The following KIF1B variants were observed in gnomAD, a reference collection of about 807,000 sequenced individuals.
The protein encoded by KIF1B is kinesin-like protein KIF1B.
Under a neutral mutation model 241.9 loss-of-function variants are expected in KIF1B, and 76 were observed. That is an observed-to-expected ratio of 0.31 (90% confidence interval 0.26 to 0.38). The LOEUF (loss-of-function observed/expected upper bound fraction) is 0.38, where lower values mean the gene tolerates loss of function less well. Among genes scored for constraint, KIF1B ranks in the 10% least tolerant of loss-of-function variants. The pLI is 1.00. For synonymous variants in KIF1B, 750 were observed against 796.7 expected (o/e 0.94, Z 0.99); for missense variants, 1,622 against 2,271.4 (o/e 0.71, Z 5.81).
chr1:10,229,665 G>T (rs1205064923), intron 1 of KIF1B, among the ~76,000 whole-genome samples: 1 of 150,902 alleles, frequency 6.6e-6, no homozygotes, highest in Non-Finnish European at 1.5e-5. Context: ...GACCATCCTG[G>T]CTAACATGGT....
At chr1:10,360,699 AAAAG>A (rs1638397258) in intron 38 of KIF1B, among the ~76,000 whole-genome samples, 1 of 152,004 alleles carries the variant, frequency 6.6e-6, no homozygotes, top group African/African-American at 2.4e-5. Flanking sequence ...AAAAAAAAAA[AAAAG>A]CACAACTAAG....
intron 5 of KIF1B, among the ~76,000 whole-genome samples, chr1:10,266,065 A>G (rs540019468): frequency 2.0e-5 from 3 of 152,308 alleles, no homozygotes; most frequent in South Asian, 2.1e-4. Context: ...AATGTGGCCT[A>G]TTGTGATGAA....
intron 7 of KIF1B, among the ~76,000 whole-genome samples, chr1:10,271,139 C>T (rs574427471): frequency 4.0e-5 from 6 of 150,278 alleles, no homozygotes; most frequent in Non-Finnish European, 7.4e-5. Context: ...TTTTTTGAAC[C>T]GTGATAATTG....
chr1:10,266,926 T>C lies in KIF1B; in HGVS notation c.430-454T>C, dbSNP rs1272873506. 2.6e-5 allele frequency among the ~76,000 whole-genome samples: 4 copies of C among 152,264 alleles called. No individual in the cohort carries two copies. In the South Asian group the frequency reaches 6.2e-4, roughly 24 times the overall value. On this transcript the variant is annotated intron_variant, in intron 5 of 48. Transcript: ENST00000676179. ...GTTACGGCATTTCACTTTGTAAAGGTTGCTGATCTCTAATCTTAGAGCTTT... is the reference window on the plus strand; with the variant it reads ...GTTACGGCATTTCACTTTGTAAAGGCTGCTGATCTCTAATCTTAGAGCTTT...
intron 40 of KIF1B, among the ~76,000 whole-genome samples, chr1:10,362,835 C>G (rs1345536858): frequency 6.6e-6 from 1 of 152,072 alleles, no homozygotes; most frequent in Admixed American, 6.6e-5. Context: ...CTTTTTGATG[C>G]CAAGGTGGAA....
intron 22 of KIF1B, among the ~76,000 whole-genome samples, chr1:10,313,828 G>T (rs927452551): frequency 2.6e-5 from 4 of 151,386 alleles, no homozygotes; most frequent in Non-Finnish European, 5.9e-5. Flanking sequence ...GAGATTACAG[G>T]CGTGAGCCAC....
At chr1:10,212,025 A>G (rs1571072307) in intron 1 of KIF1B, among the ~76,000 whole-genome samples, 2 of 152,152 alleles carry the variant, frequency 1.3e-5, no homozygotes, top group Non-Finnish European at 2.9e-5. Context: ...GCAGGCTGTC[A>G]TCTTTGTGGA....
intron 45 of KIF1B, among the ~76,000 whole-genome samples, chr1:10,372,622 G>A (rs2102359987): frequency 7.2e-6 from 1 of 139,496 alleles, no homozygotes; most frequent in South Asian, 2.4e-4. Context: ...AGGTTGCAGT[G>A]AGCCGAGATT....
chr1:10,211,434 G>A (rs1246898760), intron 1 of KIF1B, among the ~76,000 whole-genome samples: 1 of 152,200 alleles, frequency 6.6e-6, no homozygotes, highest in Non-Finnish European at 1.5e-5. Flanking sequence ...ATGCTGGCCA[G>A]GTGTGAGGAA....
Position 10,326,012 on chromosome 1 carries a change from C to T in KIF1B, c.2676-99C>T. On this transcript the variant is annotated intron_variant, in intron 26 of 48. Coordinates refer to ENST00000676179, the MANE Select transcript of KIF1B (RefSeq NM_001365951.3). This position sits in a 1 kb window ranked among gnomAD's most constrained non-coding sequence, Gnocchi z 5.2. ...TCCATTTGCTTTTATTGTGTTGATT[C>T]CCCAGTGGATTCTGTCCTGTTAGCA... 2 of 1,456,864 alleles carry T rather than the reference C, an allele frequency of 1.4e-6. No homozygotes were observed. Among genetic ancestry groups the T allele is most frequent in the East Asian group, 4.5e-5 (2 of 44,098 alleles). 90.2% of individuals were successfully genotyped at this position (1,456,864 alleles called of 1,614,324 possible).
rs1639020796 is a variant in KIF1B at position 10,381,508 on chromosome 1, AATGCAGACACT to A, written c.*4924_*4934del. 4.9e-6 allele frequency: 1 copy of A among 202,944 alleles called. No homozygotes were observed. The highest frequency in any genetic ancestry group is 1.0e-5 in the Non-Finnish European group (1 of 98,550). 12.6% of individuals were successfully genotyped at this position (202,944 alleles called of 1,614,324 possible). A position where few individuals can be genotyped will look rare whatever the true frequency, so the allele number is the denominator to read the frequency against. ...TTTTGCTGTATAGCCTTAGATGTGC[AATGCAGACACT>A]ATCTAACTGTGTGTGGTAACCTTGC... On this transcript the variant is annotated 3_prime_UTR_variant, in exon 49 of 49. Coordinates refer to ENST00000676179, the MANE Select transcript of KIF1B (RefSeq NM_001365951.3).
intron 8 of KIF1B, 56 bp downstream of exon 8, chr1:10,271,635 G>A (rs1648804947): frequency 1.7e-6 from 2 of 1,195,792 alleles, no homozygotes; most frequent in East Asian, 4.7e-5. Context: ...ACCTGTTTTT[G>A]TAAATAAAAT....
At chr1:10,233,431 ATTCATGTCAC>A (rs1281818007) in intron 2 of KIF1B, among the ~76,000 whole-genome samples, 1 of 152,110 alleles carries the variant, frequency 6.6e-6, no homozygotes, top group Non-Finnish European at 1.5e-5. Context: ...AGTGAGCTGT[ATTCATGTCAC>A]TGCACTCCAG....
At chr1:10,373,180 T>G (rs1638793557) in intron 45 of KIF1B, among the ~76,000 whole-genome samples, 1 of 150,616 alleles carries the variant, frequency 6.6e-6, no homozygotes, top group Admixed American at 6.6e-5. Flanking sequence ...AGGATGGTCT[T>G]GGTCTCCTGA....
At chr1:10,244,647 C>T (rs1647183009) in intron 2 of KIF1B, among the ~76,000 whole-genome samples, 3 of 113,762 alleles carry the variant, frequency 2.6e-5, no homozygotes, top group Admixed American at 9.7e-5. Context: ...GAGTCTTGCT[C>T]TGTCGCCCAG....
In KIF1B at chr1:10,303,035, G is replaced by GT. The variant is rs1471063171; in HGVS notation, c.2115+5796dup. ...TTTTTTGGTTTTGTTTTGTTTTTTA[G>GT]TTTTTTTGGTCTTATTTTTAAATTT... On this transcript the variant is annotated intron_variant, in intron 22 of 48. Coordinates refer to ENST00000676179, the MANE Select transcript of KIF1B (RefSeq NM_001365951.3). The surrounding 1 kb of genome is among the most constrained non-coding windows in gnomAD (Gnocchi z 5.2). 24 of 1,162,602 alleles carry GT rather than the reference G, an allele frequency of 2.1e-5. No individual in the cohort carries two copies. Among genetic ancestry groups the GT allele is most frequent in the South Asian group, 3.2e-5 (2 of 61,576 alleles). The allele number at this position is 1,162,602 out of a possible 1,614,324, so 72.0% of individuals were successfully genotyped here. A position where few individuals can be genotyped will look rare whatever the true frequency, so the allele number is the denominator to read the frequency against.
intron 27 of KIF1B, among the ~76,000 whole-genome samples, chr1:10,331,948 G>T (rs1651957096): frequency 6.6e-6 from 1 of 150,584 alleles, no homozygotes. Context: ...GAAATATAAA[G>T]TGTTAGAGCT....
At chr1:10,309,663 G>A (rs981816103) in intron 22 of KIF1B, among the ~76,000 whole-genome samples, 1 of 151,444 alleles carries the variant, frequency 6.6e-6, no homozygotes, top group African/African-American at 2.4e-5. Flanking sequence ...ATCTCTCATC[G>A]AGAGTACCCT....
intron 37 of KIF1B, 46 bp downstream of exon 37, chr1:10,348,779 ATT>A (rs35253111): frequency 2.3e-3 from 2,803 of 1,231,996 alleles, no homozygotes; most frequent in Non-Finnish European, 2.7e-3. Flanking sequence ...ACTTACAGAG[ATT>A]TTTTTTTTTT....
Sources: allele counts gnomAD v4.1 joint callset (sites outside exome capture counted in the v4.1 genomes callset), GRCh38; gene constraint gnomAD v4.1.1; non-coding constraint Gnocchi (gnomAD v3.1); transcripts MANE v1.5; gene names NCBI Gene and HGNC (gene_info 2026-07-23, HGNC 2026-07-21).